Variants in CYP2C19 observed in about 807,000 individuals in gnomAD.
The protein encoded by CYP2C19 is cytochrome P450 family 2 subfamily C member 19.
A neutral mutation model predicts 40.9 loss-of-function variants in CYP2C19; 59 were observed. The ratio of observed to expected loss-of-function variants is 1.44; its 90% CI spans 1.17 to 1.79. The LOEUF is 1.79. CYP2C19 is among the 40% of genes most tolerant of loss of function. CYP2C19 has a pLI of 0.00. For missense variants in CYP2C19, 754 were observed against 596.9 expected (o/e 1.26, Z -2.74); for synonymous variants, 253 against 208.7 (o/e 1.21, Z -1.83).
Position 94,855,448 on chromosome 10 carries a change from C to T in CYP2C19, c.*2534C>T, listed in dbSNP as rs761056691. On this transcript the variant is annotated 3_prime_UTR_variant, in exon 9 of 9. Coordinates refer to ENST00000371321, the MANE Select transcript of CYP2C19 (RefSeq NM_000769.4). ...TTGTTTGTATTTCTTCCCTAAAATA[C>T]ATATTTCATATGAGAAGAGAACTTT... Among the ~76,000 whole-genome samples the T allele has an allele frequency of 1.3e-5, 2 of 152,200 alleles. No homozygotes were observed. The highest frequency in any genetic ancestry group is 2.9e-5 in the Non-Finnish European group (2 of 68,024).
At chr10:94,840,074 G>A (rs909387332) in intron 6 of CYP2C19, among the ~76,000 whole-genome samples, 2 of 151,940 alleles carry the variant, frequency 1.3e-5, no homozygotes, top group Non-Finnish European at 2.9e-5. Context: ...TCTACTTTTA[G>A]TTAAGTAGTT....
At chr10:94,849,113 T>A (rs1849614557) in intron 7 of CYP2C19, among the ~76,000 whole-genome samples, 4 of 152,274 alleles carry the variant, frequency 2.6e-5, no homozygotes, top group African/African-American at 9.6e-5. Flanking sequence ...TCCAACACTA[T>A]GTTGAATAGG....
Position 94,855,465 on chromosome 10 carries a change from G to A in CYP2C19, c.*2551G>A, listed in dbSNP as rs1309501342. 1.3e-5 allele frequency among the ~76,000 whole-genome samples: 2 copies of A among 152,170 alleles called. No individual in the cohort carries two copies. Among genetic ancestry groups the A allele is most frequent in the East Asian group, 3.8e-4 (2 of 5,202 alleles). On this transcript the variant is annotated 3_prime_UTR_variant, in exon 9 of 9. Transcript: ENST00000371321. ...CTAAAATACATATTTCATATGAGAA[G>A]AGAACTTTATTTGGCTCACTAATGA...
At chr10:94,771,119 C>T (rs755381942) in intron 1 of CYP2C19, among the ~76,000 whole-genome samples, 3 of 152,102 alleles carry the variant, frequency 2.0e-5, no homozygotes, top group Non-Finnish European at 4.4e-5. Context: ...CCCAGGTCTG[C>T]CTTGATCTGC....
At chr10:94,790,330 C>A (rs1848590090) in intron 5 of CYP2C19, among the ~76,000 whole-genome samples, 2 of 151,972 alleles carry the variant, frequency 1.3e-5, no homozygotes, top group Admixed American at 6.6e-5. Flanking sequence ...AATTGAATAC[C>A]CTTTATTTCT....
chr10:94,781,431 G>A (rs375954988), intron 4 of CYP2C19, among the ~76,000 whole-genome samples: 1 of 152,058 alleles, frequency 6.6e-6, no homozygotes, highest in Non-Finnish European at 1.5e-5. Flanking sequence ...GACTATCTTT[G>A]TAGTATCAAT....
intron 5 of CYP2C19, among the ~76,000 whole-genome samples, chr10:94,817,868 C>G (rs1392993171): frequency 6.6e-6 from 1 of 151,638 alleles, no homozygotes; most frequent in Non-Finnish European, 1.5e-5. Flanking sequence ...AAAAAATTAG[C>G]CGGGCGTAGT....
chr10:94,810,851 T>C (rs1221129433), intron 5 of CYP2C19, among the ~76,000 whole-genome samples: 1 of 152,216 alleles, frequency 6.6e-6, no homozygotes, highest in Non-Finnish European at 1.5e-5. Flanking sequence ...TATTCTTTGA[T>C]ATTTTGAAGG....
At chr10:94,772,782 C>CT (rs565374750) in intron 1 of CYP2C19, among the ~76,000 whole-genome samples, 23 of 151,898 alleles carry the variant, frequency 1.5e-4, no homozygotes, top group South Asian at 4.2e-4. Flanking sequence ...ACATTGGTCA[C>CT]TTTTTGTTTT....
At chr10:94,789,441 T>C (rs1848580444) in intron 5 of CYP2C19, among the ~76,000 whole-genome samples, 1 of 152,110 alleles carries the variant, frequency 6.6e-6, no homozygotes, top group Non-Finnish European at 1.5e-5. Flanking sequence ...CTGAATGGTA[T>C]TGCGTAGGTT....
chr10:94,818,126 G>A (rs1473335798), intron 5 of CYP2C19, among the ~76,000 whole-genome samples: 3 of 148,868 alleles, frequency 2.0e-5, no homozygotes, highest in East Asian at 4.0e-4. Context: ...AGTTTTCCCA[G>A]CACCATTTAT....
rs1564688015 is a variant in CYP2C19 at position 94,854,234 on chromosome 10, G to C, written c.*1320G>C. ...GGGTTTCACTATGTGGGCCAGGCTA[G>C]TCTTGAACTCCTGACCTCAAGTGAT... On this transcript the variant is annotated 3_prime_UTR_variant, in exon 9 of 9. Transcript: ENST00000371321. 6.6e-6 allele frequency among the ~76,000 whole-genome samples: 1 copy of C among 151,818 alleles called. No homozygotes were observed. Among genetic ancestry groups the C allele is most frequent in the Non-Finnish European group, 1.5e-5 (1 of 67,948 alleles).
intron 7 of CYP2C19, among the ~76,000 whole-genome samples, chr10:94,848,481 C>A (rs535865205): frequency 9.2e-5 from 14 of 152,094 alleles, no homozygotes; most frequent in South Asian, 2.1e-4. Context: ...GTTACTGTAG[C>A]CTTGTAGTAT....
intron 1 of CYP2C19, among the ~76,000 whole-genome samples, chr10:94,766,542 A>T (rs1239659809): frequency 6.6e-6 from 1 of 152,136 alleles, no homozygotes; most frequent in Admixed American, 6.5e-5. Context: ...TAATAATATG[A>T]TGAAATAGTA....
intron 6 of CYP2C19, among the ~76,000 whole-genome samples, chr10:94,829,840 A>T (rs1440776074): frequency 7.9e-5 from 12 of 151,696 alleles, no homozygotes; most frequent in Admixed American, 7.9e-4. Context: ...TTTGGTGTGG[A>T]TGTCCTTTCT....
rs543440606 is a variant in CYP2C19 at position 94,795,331 on chromosome 10, A to C, written c.819+13334A>C. ...ATCCATGTCCCTACAAAGGACATGAACTCATCCTTTTTTAAGGCTGCATAG... is the reference window on the plus strand; with the variant it reads ...ATCCATGTCCCTACAAAGGACATGACCTCATCCTTTTTTAAGGCTGCATAG... On this transcript the variant is annotated intron_variant, in intron 5 of 8. Coordinates refer to ENST00000371321, the MANE Select transcript of CYP2C19 (RefSeq NM_000769.4). 5.3e-5 allele frequency among the ~76,000 whole-genome samples: 8 copies of C among 151,844 alleles called. No homozygotes were observed. The South Asian group carries it at 1.7e-3, about 32-fold the overall frequency.
intron 1 of CYP2C19, among the ~76,000 whole-genome samples, chr10:94,767,688 C>A (rs1052636698): frequency 2.6e-5 from 4 of 152,042 alleles, no homozygotes; most frequent in Non-Finnish European, 5.9e-5. Context: ...AGGGATTTGG[C>A]CATTTGATGA....
At chr10:94,812,581 T>G (rs1301481523) in intron 5 of CYP2C19, among the ~76,000 whole-genome samples, 2 of 152,206 alleles carry the variant, frequency 1.3e-5, no homozygotes, top group African/African-American at 4.8e-5. Flanking sequence ...TTCTTTTTAT[T>G]CTTATTTTTT....
chr10:94,824,795 A>G, intron 6 of CYP2C19, among the ~76,000 whole-genome samples: 1 of 131,500 alleles, frequency 7.6e-6, no homozygotes, highest in Non-Finnish European at 1.6e-5. Context: ...TCCCGATGCT[A>G]TCCCTCCCCC....
Sources: gnomAD v4.1 joint callset for allele counts (sites outside exome capture counted in the v4.1 genomes callset) on GRCh38, gnomAD v4.1.1 for gene constraint, MANE v1.5 for transcripts, NCBI Gene and HGNC (gene_info 2026-07-23, HGNC 2026-07-21) for gene names.